The following FAM228B variants were observed in gnomAD, a reference collection of about 807,000 sequenced individuals.
FAM228B encodes family with sequence similarity 228 member B.
In FAM228B, 38 loss-of-function variants were observed where a neutral mutation model predicts 42.6. The ratio of observed to expected loss-of-function variants is 0.89; its 90% CI spans 0.69 to 1.17. The LOEUF is 1.17. Ranked by LOEUF, FAM228B falls within the 50% of genes most tolerant of loss-of-function variation. The pLI, the probability that FAM228B is intolerant of heterozygous loss-of-function variation, is 0.00. For missense variants in FAM228B, 344 were observed against 367.3 expected (o/e 0.94, Z 0.52); for synonymous variants, 109 against 122.3 (o/e 0.89, Z 0.72).
intron 5 of FAM228B, among the ~76,000 whole-genome samples, chr2:24,140,933 C>T (rs1340126730): frequency 3.3e-5 from 5 of 150,132 alleles, no homozygotes. Flanking sequence ...CACTGCACTC[C>T]AGCCTGGGCA....
At chr2:24,147,205 A>G (rs1573775250) in intron 7 of FAM228B, 119 bp downstream of exon 7, 2 of 665,096 alleles carry the variant, frequency 3.0e-6, no homozygotes. Context: ...TTTTTTTGAG[A>G]CAGAGTCTCA....
chr2:24,139,474 A>G (rs1666697092), intron 5 of FAM228B, 24 bp downstream of exon 5: 2 of 1,425,902 alleles, frequency 1.4e-6, no homozygotes, highest in Middle Eastern at 1.7e-4. Context: ...CTTTTTTTTA[A>G]CTTTGGTATT....
chr2:24,126,951 A>G (rs1222288343), intron 2 of FAM228B, among the ~76,000 whole-genome samples: 4 of 152,116 alleles, frequency 2.6e-5, no homozygotes, highest in Non-Finnish European at 4.4e-5. Flanking sequence ...AAAGTGTACA[A>G]TTCAGTGTTT....
chr2:24,137,976 G>A lies in FAM228B; in HGVS notation c.236G>A (p.Arg79Lys). Residue 79 changes from arginine to lysine, a missense_variant, in exon 4 of 11, where the codon AGA (arginine) becomes AAA (lysine). Transcript: ENST00000615575. The part of the protein sequence containing the change: ...NARRKEMLYK[R>K]WVDCVADPLQ... Reference sequence around the variant, plus strand: ...AGAAGAAAGGAGATGTTATATAAAAGATGGGTTGACTGTGTGGCAGATCCT... The same window carrying A: ...AGAAGAAAGGAGATGTTATATAAAAAATGGGTTGACTGTGTGGCAGATCCT... 2 of 1,547,924 alleles carry A rather than the reference G, an allele frequency of 1.3e-6. No individual in the cohort carries two copies. Among genetic ancestry groups the A allele is most frequent in the Non-Finnish European group, 1.7e-6 (2 of 1,146,120 alleles).
At chr2:24,137,577 TG>T (rs1222530392) in intron 3 of FAM228B, among the ~76,000 whole-genome samples, 1 of 152,180 alleles carries the variant, frequency 6.6e-6, no homozygotes, top group Admixed American at 6.5e-5. Flanking sequence ...ACTGCATCCT[TG>T]AAGTCCTGGG....
At chr2:24,098,194 A>G (rs749846064) in intron 3 of FAM228B, among the ~76,000 whole-genome samples, 3 of 152,218 alleles carry the variant, frequency 2.0e-5, no homozygotes, top group Non-Finnish European at 4.4e-5. Context: ...AAGATCTAAA[A>G]TTGACACCCT....
At chr2:24,158,488 C>T (rs1667212084) in intron 7 of FAM228B, among the ~76,000 whole-genome samples, 1 of 151,976 alleles carries the variant, frequency 6.6e-6, no homozygotes, top group Non-Finnish European at 1.5e-5. Flanking sequence ...GGGAGTTTAT[C>T]ATGTAGGGAA....
chr2:24,081,046 A>G (rs1664980071), intron 2 of FAM228B: 1 of 1,607,450 alleles, frequency 6.2e-7, no homozygotes, highest in Admixed American at 1.7e-5. Flanking sequence ...GACAGAAAGT[A>G]CAGGGTTCTC....
chr2:24,153,685 TC>T (rs1371249539), intron 7 of FAM228B, among the ~76,000 whole-genome samples: 1 of 152,168 alleles, frequency 6.6e-6, no homozygotes, highest in Admixed American at 6.5e-5. Flanking sequence ...GTGCAAGCAC[TC>T]CCTTAGCCAT....
At chr2:24,094,493 C>G (rs1414536546) in intron 2 of FAM228B, among the ~76,000 whole-genome samples, 1 of 151,978 alleles carries the variant, frequency 6.6e-6, no homozygotes, top group African/African-American at 2.4e-5. Flanking sequence ...AGGCTTTTTC[C>G]CCCTCCCGAG....
chr2:24,101,320 G>C (rs1275779336), intron 3 of FAM228B, among the ~76,000 whole-genome samples: 1 of 151,938 alleles, frequency 6.6e-6, no homozygotes, highest in Non-Finnish European at 1.5e-5. Context: ...TCATTCCACT[G>C]TTTTCATTGA....
At chr2:24,124,524 C>G in intron 2 of FAM228B, 64 bp downstream of exon 2, 1 of 963,392 alleles carries the variant, frequency 1.0e-6, no homozygotes, top group South Asian at 1.6e-5. Context: ...TAGGAAGTGG[C>G]TTGTGCTAAA....
intron 5 of FAM228B, among the ~76,000 whole-genome samples, chr2:24,144,191 C>T (rs1666835085): frequency 6.6e-6 from 1 of 152,100 alleles, no homozygotes. Flanking sequence ...CCTGTAATCC[C>T]ACCACTTTAG....
At chr2:24,130,784 T>C (rs1447939411) in intron 2 of FAM228B, among the ~76,000 whole-genome samples, 5 of 152,204 alleles carry the variant, frequency 3.3e-5, no homozygotes, top group Non-Finnish European at 7.3e-5. Context: ...TTTTGCTGTA[T>C]AGAAGCTCTT....
At chr2:24,146,375 A>G (rs1255301661) in intron 5 of FAM228B, among the ~76,000 whole-genome samples, 25 of 152,252 alleles carry the variant, frequency 1.6e-4, no homozygotes, top group Admixed American at 1.6e-3. Flanking sequence ...AATGTTAGTT[A>G]TGTTGTTGAT....
intron 5 of FAM228B, among the ~76,000 whole-genome samples, chr2:24,143,212 G>T (rs563437382): frequency 2.0e-5 from 3 of 150,776 alleles, no homozygotes; most frequent in African/African-American, 7.3e-5. Context: ...ACAGAGTCTC[G>T]CTCTGTCACC....
At position 24,089,988 on chromosome 2, in the gene FAM228B, A is replaced by AC. The variant is rs1011813585; in HGVS notation, c.-209-5153_-209-5152insC. Among the ~76,000 whole-genome samples, 259 of 150,498 alleles carry AC rather than the reference A, an allele frequency of 1.7e-3. 2 individuals carry two copies. The highest frequency in any genetic ancestry group is 6.0e-3 in the African/African-American group (247 of 40,958). On this transcript the variant is annotated intron_variant, in intron 2 of 10. Transcript: ENST00000613899. The stretch of plus-strand genomic sequence containing the variant: ...GTCTAAAAAAAAAGAAAAAAAAAAA[A>AC]AAACGCCGGGCGCAGTGACTCACGC...
At chr2:24,079,390 T>C (rs567335181) in intron 1 of FAM228B, 1 of 1,584,462 alleles carries the variant, frequency 6.3e-7, no homozygotes, top group Non-Finnish European at 8.6e-7. Flanking sequence ...GTAATGTAAA[T>C]GAACCACACT....
chr2:24,167,726 A>AC, intron 10 of FAM228B, 43 bp downstream of exon 10: 1 of 1,547,786 alleles, frequency 6.5e-7, no homozygotes, highest in Non-Finnish European at 8.7e-7. Context: ...CCTATTCCTT[A>AC]CCCCTGTTTC....
Sources: gnomAD v4.1 joint callset for allele counts (sites outside exome capture counted in the v4.1 genomes callset) on GRCh38, gnomAD v4.1.1 for gene constraint, MANE v1.5 for transcripts, NCBI Gene and HGNC (gene_info 2026-07-23, HGNC 2026-07-21) for gene names.